ASIC5: variants seen among roughly 807,000 people sequenced by gnomAD.
The protein encoded by ASIC5 is bile acid-sensitive ion channel.
ASIC5 carries 52 observed loss-of-function variants against 51.2 expected under a neutral mutation model. That is an observed-to-expected ratio of 1.02 (90% CI 0.81 to 1.28). The LOEUF (loss-of-function observed/expected upper bound fraction) is 1.28, where lower values mean the gene tolerates loss of function less well. Ranked by LOEUF, ASIC5 falls within the 50% of genes most tolerant of loss-of-function variation. The pLI is 0.00. For synonymous variants in ASIC5, 231 were observed against 200.7 expected, an observed-to-expected ratio of 1.15 and a Z score of -1.28; for missense variants, 635 against 595.0, an observed-to-expected ratio of 1.07 and a Z score of -0.70.
intron 8 of ASIC5, among the ~76,000 whole-genome samples, chr4:155,833,314 T>A (rs1187423724): frequency 6.6e-6 from 1 of 152,208 alleles, no homozygotes; most frequent in Non-Finnish European, 1.5e-5. Flanking sequence ...ATAGTATTCA[T>A]TAAGAGTGGA....
chr4:155,853,249 C>T (rs996757660), intron 3 of ASIC5, among the ~76,000 whole-genome samples: 3 of 151,954 alleles, frequency 2.0e-5, no homozygotes, highest in African/African-American at 4.8e-5. Context: ...CAGAACCTCA[C>T]CTCTGTGAAA....
rs753008533 is a variant in ASIC5 at position 155,842,237 on chromosome 4, G to T, written c.979C>A (p.Gln327Lys). Residue 327 changes from glutamine to lysine, a missense_variant, in exon 6 of 10, where the codon CAA (glutamine) becomes AAA (lysine). By Grantham distance (53) the Gln-to-Lys change is moderately conservative. Coordinates refer to ENST00000537611, the MANE Select transcript of ASIC5 (RefSeq NM_017419.3). ...AGAAGAAAAGGCACACATCCACATT[G>T]CTTTTTTATGTGCTGGGCTTTGCAT... ...KECKAQHIKK[Q>K]CGCVPFLLPG... 1 of 1,613,612 alleles carries T rather than the reference G, an allele frequency of 6.2e-7. No homozygotes were observed. The highest frequency in any genetic ancestry group is 8.5e-7 in the Non-Finnish European group (1 of 1,179,686).
intron 8 of ASIC5, among the ~76,000 whole-genome samples, chr4:155,836,175 T>C (rs950107983): frequency 4.6e-5 from 7 of 152,220 alleles, no homozygotes; most frequent in Non-Finnish European, 1.0e-4. Flanking sequence ...GAATCATGTA[T>C]CTGAGTTGCA....
intron 2 of ASIC5, among the ~76,000 whole-genome samples, chr4:155,861,174 G>T (rs1579300877): frequency 6.6e-6 from 1 of 151,648 alleles, no homozygotes; most frequent in Admixed American, 6.6e-5. Context: ...CCTTGTATAT[G>T]GTCCATTCTA....
At chr4:155,862,764 T>C (rs1359312967) in intron 2 of ASIC5, among the ~76,000 whole-genome samples, 3 of 152,154 alleles carry the variant, frequency 2.0e-5, no homozygotes, top group Non-Finnish European at 4.4e-5. Context: ...TTGCCTCTAC[T>C]ACATTAAGTA....
intron 2 of ASIC5, among the ~76,000 whole-genome samples, chr4:155,862,047 G>A (rs1514011): frequency 0.94 from 143,547 of 152,148 alleles, 68,033 homozygotes; most frequent in East Asian, 1. Flanking sequence ...AGTTATGGTT[G>A]GTTTTGAAGG....
intron 9 of ASIC5, among the ~76,000 whole-genome samples, chr4:155,830,996 T>C (rs1740859242): frequency 6.6e-6 from 1 of 152,218 alleles, no homozygotes; most frequent in Non-Finnish European, 1.5e-5. Context: ...CTGACTGCTA[T>C]CACTTTTGCC....
Position 155,854,267 on chromosome 4 carries a change from C to T in ASIC5, c.395G>A (p.Trp132Ter). Residue 132 changes from tryptophan to a stop codon, truncating the protein, a stop_gained, in exon 3 of 10, where the codon TGG (tryptophan) becomes TAG (stop). Transcript: ENST00000537611. LOFTEE classifies it high-confidence loss of function. ...ATGGAGGACTTTGGATACAATGTGCCATAAGAAAAAAATAACACCAAATTT... is the reference window on the plus strand; with the variant it reads ...ATGGAGGACTTTGGATACAATGTGCTATAAGAAAAAAATAACACCAAATTT... ...VAKFGVIFFLWHIVSKVLHLQ... is the reference protein window; with the variant it reads ...VAKFGVIFFL The T allele has an allele frequency of 3.1e-6, 5 of 1,612,918 alleles. No individual in the cohort carries two copies. The highest frequency in any genetic ancestry group is 1.1e-5 in the South Asian group (1 of 91,054).
At chr4:155,862,846 C>G (rs1282004832) in intron 2 of ASIC5, among the ~76,000 whole-genome samples, 1 of 152,180 alleles carries the variant, frequency 6.6e-6, no homozygotes, top group African/African-American at 2.4e-5. Flanking sequence ...TCCATTTCTT[C>G]TTCATCTCCA....
At chr4:155,842,136 A>C (rs1358562250) in intron 6 of ASIC5, 71 bp downstream of exon 6, 5 of 1,413,868 alleles carry the variant, frequency 3.5e-6, no homozygotes, top group Non-Finnish European at 4.9e-6. Flanking sequence ...TATTTCTCCC[A>C]GACCTTTTGT....
At chr4:155,865,647 G>T (rs2110785723) in intron 1 of ASIC5, among the ~76,000 whole-genome samples, 1 of 150,714 alleles carries the variant, frequency 6.6e-6, no homozygotes, top group East Asian at 2.0e-4. Flanking sequence ...GGCCTTTCTG[G>T]AGTAATACCA....
intron 5 of ASIC5, 147 bp from the exon 6 acceptor site, chr4:155,842,501 T>C: frequency 1.5e-6 from 1 of 659,270 alleles, no homozygotes; most frequent in Non-Finnish European, 2.5e-6. Context: ...CTATTTTGCC[T>C]ACTCTATTGA....
intron 1 of ASIC5, 58 bp from the exon 2 acceptor site, chr4:155,863,812 G>A: frequency 7.1e-7 from 1 of 1,398,606 alleles, no homozygotes; most frequent in Middle Eastern, 1.9e-4. Flanking sequence ...AAACCTTAAT[G>A]CTATCCGTAA....
At chr4:155,832,251 C>T (rs1740886368) in intron 8 of ASIC5, among the ~76,000 whole-genome samples, 1 of 152,180 alleles carries the variant, frequency 6.6e-6, no homozygotes, top group Admixed American at 6.5e-5. Context: ...TTGTTACTTA[C>T]ATGACCTTCA....
intron 8 of ASIC5, among the ~76,000 whole-genome samples, chr4:155,835,520 C>T (rs1740959263): frequency 1.3e-5 from 2 of 151,912 alleles, no homozygotes; most frequent in Admixed American, 1.3e-4. Flanking sequence ...TGCCTACTTT[C>T]TCTGTATATT....
chr4:155,846,612 C>T (rs1046841202), intron 4 of ASIC5, among the ~76,000 whole-genome samples: 6 of 151,988 alleles, frequency 3.9e-5, no homozygotes, highest in Non-Finnish European at 5.9e-5. Context: ...TCAATTAGGT[C>T]GTATCTTTTT....
chr4:155,859,644 A>C (rs990867847), intron 2 of ASIC5, among the ~76,000 whole-genome samples: 2 of 151,878 alleles, frequency 1.3e-5, no homozygotes, highest in Non-Finnish European at 2.9e-5. Flanking sequence ...CTTTTTTTTC[A>C]AAAGAATTAG....
intron 2 of ASIC5, chr4:155,854,935 GAAA>G (rs1344705606): frequency 6.6e-6 from 1 of 152,108 alleles, no homozygotes; most frequent in African/African-American, 2.4e-5. Context: ...TGGAGGTAGT[GAAA>G]AAGAGACCTA....
intron 2 of ASIC5, among the ~76,000 whole-genome samples, chr4:155,861,053 T>C (rs909387722): frequency 2.6e-5 from 4 of 151,980 alleles, no homozygotes; most frequent in African/African-American, 9.7e-5. Context: ...TACATATTTG[T>C]GAATATCCCA....
Sources: gnomAD v4.1 joint callset for allele counts (sites outside exome capture counted in the v4.1 genomes callset) on GRCh38, gnomAD v4.1.1 for gene constraint, MANE v1.5 for transcripts, NCBI Gene and HGNC (gene_info 2026-07-23, HGNC 2026-07-21) for gene names.